The following NADK2 variants were observed in gnomAD, a reference collection of about 807,000 sequenced individuals.
NADK2 encodes the protein NAD kinase domain-containing protein 1, mitochondrial.
A neutral mutation model predicts 62.1 loss-of-function variants in NADK2; 35 were observed. The ratio of observed to expected loss-of-function variants is 0.56; its 90% confidence interval spans 0.43 to 0.75. The LOEUF (loss-of-function observed/expected upper bound fraction) is 0.75, where lower values mean the gene tolerates loss of function less well. Ranked by LOEUF, NADK2 falls within the 30% of genes least tolerant of loss-of-function variation. The pLI is 0.00. For synonymous variants in NADK2, 205 were observed against 207.9 expected (o/e 0.99, Z 0.12); for missense variants, 439 against 561.3 (o/e 0.78, Z 2.20).
chr5:36,197,673 A>G lies in NADK2; in HGVS notation c.1067-9T>C. The G allele has an allele frequency of 2.7e-6, 4 of 1,504,472 alleles. No individual in the cohort carries two copies. Among genetic ancestry groups the G allele is most frequent in the Middle Eastern group, 1.8e-4 (1 of 5,612 alleles). 93.2% of individuals were successfully genotyped at this position (1,504,472 alleles called of 1,614,324 possible). On this transcript the variant is annotated splice_polypyrimidine_tract_variant and intron_variant, in intron 10 of 11. Coordinates refer to ENST00000381937, the MANE Select transcript of NADK2 (RefSeq NM_001085411.3). ...ATTATATTCATTTGTTACTACAAAG[A>G]AAAAAAAATTAGCACACTCAATAAA...
chr5:36,235,744 G>A (rs1265836732), intron 1 of NADK2, among the ~76,000 whole-genome samples: 4 of 152,004 alleles, frequency 2.6e-5, no homozygotes, highest in Non-Finnish European at 4.4e-5. Flanking sequence ...CAACTATTCT[G>A]TTCTTTATCA....
At chr5:36,200,341 T>G (rs191373536) in intron 9 of NADK2, 61 bp from the exon 10 acceptor site, 2 of 1,108,394 alleles carry the variant, frequency 1.8e-6, no homozygotes, top group African/African-American at 3.3e-5. Flanking sequence ...ATATATATAT[T>G]TTCCTTGAAA....
chr5:36,214,758 T>A (rs1746981165), intron 6 of NADK2, among the ~76,000 whole-genome samples: 3 of 152,120 alleles, frequency 2.0e-5, no homozygotes. Flanking sequence ...ATGCAGAGGA[T>A]CCAACAGAAG....
At chr5:36,235,473 T>C (rs763660711) in intron 1 of NADK2, among the ~76,000 whole-genome samples, 19 of 152,204 alleles carry the variant, frequency 1.2e-4, no homozygotes, top group Non-Finnish European at 2.5e-4. Context: ...CAGGTATTAC[T>C]ATAAATATTT....
chr5:36,215,259 A>G (rs1747000801), intron 6 of NADK2, among the ~76,000 whole-genome samples: 1 of 152,202 alleles, frequency 6.6e-6, no homozygotes. Flanking sequence ...GGTCCTTTCA[A>G]TTCAAAGACT....
intron 4 of NADK2, among the ~76,000 whole-genome samples, chr5:36,224,204 C>CT (rs571346905): frequency 2.0e-5 from 3 of 152,094 alleles, no homozygotes; most frequent in African/African-American, 7.2e-5. Flanking sequence ...ACCCAATGAT[C>CT]TTTTTTTCCC....
intron 8 of NADK2, among the ~76,000 whole-genome samples, chr5:36,203,481 T>C (rs1241724651): frequency 5.9e-5 from 9 of 152,010 alleles, no homozygotes; most frequent in Admixed American, 5.9e-4. Context: ...GCAAGCTGCA[T>C]GGGGCTTGGT....
chr5:36,216,247 C>G (rs1747037892), intron 6 of NADK2, among the ~76,000 whole-genome samples: 1 of 152,024 alleles, frequency 6.6e-6, no homozygotes, highest in African/African-American at 2.4e-5. Flanking sequence ...TGAGAAACTT[C>G]TATTCAGAGA....
intron 8 of NADK2, among the ~76,000 whole-genome samples, chr5:36,204,728 T>C (rs1158747131): frequency 6.6e-6 from 1 of 152,068 alleles, no homozygotes; most frequent in East Asian, 1.9e-4. Flanking sequence ...TCTTATTTTT[T>C]CAAAAAGACT....
rs11951946 is a variant in NADK2, at chr5:36,194,416, A to T, written c.*728T>A. The T allele has an allele frequency of 3.3e-3, 501 of 152,282 alleles. 4 individuals are homozygous for T. Among genetic ancestry groups the T allele is most frequent in the African/African-American group, 0.011 (456 of 41,560 alleles). The allele number at this position is 152,282 out of a possible 1,614,324, so 9.4% of individuals were successfully genotyped here. On this transcript the variant is annotated 3_prime_UTR_variant, in exon 12 of 12. Transcript: ENST00000381937. ...AAACCTGTAAGACTCATATCATTTT[A>T]AAAAAATTGACTTAAAACACTTATT...
chr5:36,214,295 C>T (rs1746963503), intron 6 of NADK2, among the ~76,000 whole-genome samples: 1 of 152,150 alleles, frequency 6.6e-6, no homozygotes, highest in Non-Finnish European at 1.5e-5. Flanking sequence ...GATTCTCTGC[C>T]TCAGCCTCCT....
chr5:36,240,979 G>C (rs1258590314), intron 1 of NADK2, among the ~76,000 whole-genome samples: 1 of 152,214 alleles, frequency 6.6e-6, no homozygotes, highest in African/African-American at 2.4e-5. Context: ...AGGCCTCGCA[G>C]TCCTGCAGAG....
chr5:36,219,030 A>ATT lies in NADK2; in HGVS notation c.644+564_644+565dup, dbSNP rs1435655224. Among the ~76,000 whole-genome samples the ATT allele has an allele frequency of 9.2e-5, 14 of 152,342 alleles. No homozygotes were observed. The South Asian group carries it at 2.7e-3, about 29-fold the overall frequency. On this transcript the variant is annotated intron_variant, in intron 5 of 11. Coordinates refer to ENST00000381937, the MANE Select transcript of NADK2 (RefSeq NM_001085411.3). ...GCTATCTCACTGAAGGAGAAAAAAA[A>ATT]TTTCTATATGCAGTTATATTATAGG...
At chr5:36,200,420 A>ATT (rs1235909795) in intron 9 of NADK2, 140 bp from the exon 10 acceptor site, 1 of 378,266 alleles carries the variant, frequency 2.6e-6, no homozygotes, top group Non-Finnish European at 4.4e-6. Context: ...ATAATAGCTA[A>ATT]TATAAAACAA....
chr5:36,218,231 T>C (rs1178159332), intron 5 of NADK2: 1 of 162,222 alleles, frequency 6.2e-6, no homozygotes. Context: ...AGGAAAGCAT[T>C]CTTAAATTAA....
chr5:36,238,757 A>T (rs1184854720), intron 1 of NADK2, among the ~76,000 whole-genome samples: 1 of 152,226 alleles, frequency 6.6e-6, no homozygotes, highest in East Asian at 1.9e-4. Flanking sequence ...CAGAAATCTG[A>T]TATCACAAAA....
chr5:36,203,682 C>T (rs564593564), intron 8 of NADK2, among the ~76,000 whole-genome samples: 23 of 152,006 alleles, frequency 1.5e-4, no homozygotes, highest in Non-Finnish European at 3.2e-4. Context: ...ATGTGGGAGG[C>T]GAGGAATGCT....
intron 1 of NADK2, among the ~76,000 whole-genome samples, chr5:36,236,040 A>C (rs1469773691): frequency 1.3e-5 from 2 of 152,102 alleles, no homozygotes; most frequent in Non-Finnish European, 2.9e-5. Context: ...CTAGTTGAGA[A>C]GAGATTAATG....
chr5:36,202,633 T>C (rs948372462), intron 8 of NADK2, among the ~76,000 whole-genome samples: 3 of 152,138 alleles, frequency 2.0e-5, no homozygotes, highest in African/African-American at 7.2e-5. Flanking sequence ...CATATAGTCA[T>C]GTGACTGAGT....
Sources: allele counts gnomAD v4.1 joint callset (sites outside exome capture counted in the v4.1 genomes callset), GRCh38; gene constraint gnomAD v4.1.1; transcripts MANE v1.5; gene names NCBI Gene and HGNC (gene_info 2026-07-23, HGNC 2026-07-21).